OR4N5: variants seen among roughly 807,000 people sequenced by gnomAD.
OR4N5 encodes olfactory receptor 4N5.
For synonymous variants in OR4N5, 155 were observed against 140.6 expected, an observed-to-expected ratio of 1.10 and a Z score of -0.72; for missense variants, 428 against 370.0, an observed-to-expected ratio of 1.16 and a Z score of -1.29.
rs565102111 is a variant in OR4N5, at chr14:20,145,461, C to T, written c.*799C>T. The T allele has an allele frequency of 1.3e-5, 2 of 151,920 alleles. No individual in the cohort carries two copies. The highest frequency in any genetic ancestry group is 6.6e-5 in the Admixed American group (1 of 15,266). The allele number at this position is 151,920 out of a possible 1,614,324, so 9.4% of individuals were successfully genotyped here. On this transcript the variant is annotated 3_prime_UTR_variant, in exon 3 of 3. Coordinates refer to ENST00000641086, the MANE Select transcript of OR4N5 (RefSeq NM_001004724.2). ...TAAGTATTTTTTATTTATGTCAACA[C>T]TTAAAAGGTCTAGTTACTTTTTCTA...
rs1453879782 is a variant in OR4N5 at position 20,143,865 on chromosome 14, C to G, written c.130C>G (p.Leu44Val). 3.7e-6 allele frequency: 6 copies of G among 1,613,872 alleles called. No homozygotes were observed. The East Asian group carries it at 1.3e-4, about 36-fold the overall frequency. ...FYLIILPGNFLIIFTIKSDPG... is the reference protein window; with the variant it reads ...FYLIILPGNFVIIFTIKSDPG... The stretch of plus-strand genomic sequence containing the variant: ...CCTTATCATCCTCCCTGGAAATTTC[C>G]TCATCATTTTCACCATAAAGTCAGA... Residue 44 changes from leucine (L) to valine (V), a missense_variant, in exon 3 of 3, where the codon CTC (leucine) becomes GTC (valine). Physicochemically the swap from Leu to Val is conservative, Grantham distance 32. Transcript: ENST00000641086.
chr14:20,144,170 G>A lies in OR4N5; in HGVS notation c.435G>A (p.Ser145=), dbSNP rs150068542. ...ACCCTAGAGCCTGCTATGCATTATC[G>A]TTGGTTCTGTGGCTTGGGGGCTTTA... ...IMNPRACYAL[S]LVLWLGGFIH... is the part of the protein sequence containing the mutation. Residue 145 remains serine, a synonymous_variant, in exon 3 of 3, where the codon TCG becomes TCA. Transcript: ENST00000641086. The A allele has an allele frequency of 4.2e-5, 68 of 1,613,882 alleles. No homozygotes were observed. The highest frequency in any genetic ancestry group is 3.3e-4 in the Middle Eastern group (2 of 6,080).
Position 20,144,277 on chromosome 14 carries a change from T to C in OR4N5, c.542T>C (p.Val181Ala), listed in dbSNP as rs1878686025. ...PNQLDNFFCD[V>A]PQVIKLACTN... ...CAGCTCGATAACTTCTTCTGTGATG[T>C]TCCACAGGTCATCAAGCTGGCCTGC... The change falls in exon 3 of 3, where the codon GTT (valine) becomes GCT (alanine). Residue 181 changes from valine (V) to alanine (A), a missense_variant. By Grantham distance (64) the Val-to-Ala change is moderately conservative. Transcript: ENST00000641086. 1.2e-6 allele frequency: 2 copies of C among 1,613,980 alleles called. No homozygotes were observed. The highest frequency in any genetic ancestry group is 1.7e-6 in the Non-Finnish European group (2 of 1,180,002).
At chr14:20,143,271 G>T (rs1009757943) in intron 2 of OR4N5, among the ~76,000 whole-genome samples, 9 of 152,198 alleles carry the variant, frequency 5.9e-5, no homozygotes, top group African/African-American at 2.2e-4. Flanking sequence ...ATAGGAACTG[G>T]TGGCAGAAGC....
At chr14:20,140,382 A>G (rs575733822) in intron 1 of OR4N5, among the ~76,000 whole-genome samples, 3 of 152,292 alleles carry the variant, frequency 2.0e-5, no homozygotes, top group African/African-American at 7.2e-5. Flanking sequence ...GTAAAGAAAT[A>G]TTGTTGTAAA....
chr14:20,141,508 A>G (rs919747900), intron 2 of OR4N5, among the ~76,000 whole-genome samples: 1 of 152,222 alleles, frequency 6.6e-6, no homozygotes, highest in Non-Finnish European at 1.5e-5. Context: ...TACTAGTCAC[A>G]TAAAACAAAT....
chr14:20,144,652 T>C lies in OR4N5; in HGVS notation c.917T>C (p.Met306Thr). 3 of 1,602,774 alleles carry C rather than the reference T, an allele frequency of 1.9e-6. No homozygotes were observed. The highest frequency in any genetic ancestry group is 2.2e-5 in the East Asian group (1 of 44,750). ...ATGAGGAAGTTGTTAAGTCAACATA[T>C]GTTTTGCTGAATAGAAGAAAGAGAA... is the stretch of plus-strand genomic sequence containing the variant. ...ASMRKLLSQH[M>T]FC Residue 306 changes from methionine (M) to threonine (T), a missense_variant, in exon 3 of 3, where the codon ATG becomes ACG. Physicochemically the swap from Met to Thr is moderately conservative, Grantham distance 81. Transcript: ENST00000641086.
intron 1 of OR4N5, among the ~76,000 whole-genome samples, chr14:20,139,553 A>G (rs1178135327): frequency 1.3e-5 from 2 of 152,172 alleles, no homozygotes; most frequent in African/African-American, 4.8e-5. Flanking sequence ...CTGTTATCAT[A>G]TCCCTTGGAA....
intron 1 of OR4N5, among the ~76,000 whole-genome samples, chr14:20,139,602 T>C (rs1411770514): frequency 6.6e-6 from 1 of 152,152 alleles, no homozygotes; most frequent in Non-Finnish European, 1.5e-5. Flanking sequence ...ATTGACATGG[T>C]ATCCATTTTT....
At chr14:20,142,657 A>G (rs747397247) in intron 2 of OR4N5, among the ~76,000 whole-genome samples, 2 of 152,220 alleles carry the variant, frequency 1.3e-5, no homozygotes, top group Non-Finnish European at 2.9e-5. Flanking sequence ...TAAGTGCCTA[A>G]ATAAAATATT....
Position 20,144,422 on chromosome 14 carries a change from C to T in OR4N5, c.687C>T (p.Ser229=), listed in dbSNP as rs1460491113. 2 of 1,614,058 alleles carry T rather than the reference C, an allele frequency of 1.2e-6. No individual in the cohort carries two copies. The highest frequency in any genetic ancestry group is 8.5e-7 in the Non-Finnish European group (1 of 1,179,968). ...TCCTCTGTCGTATAAGGGAGCACTC[C>T]TCTGAAGGAAAGAGCAAGGCTATTT... ...AVILCRIREH[S]SEGKSKAIST... is the part of the protein sequence containing the mutation. Residue 229 remains serine (S), a synonymous_variant, in exon 3 of 3, where the codon TCC becomes TCT. Coordinates refer to ENST00000641086, the MANE Select transcript of OR4N5 (RefSeq NM_001004724.2).
chr14:20,144,727 T>C lies in OR4N5; in HGVS notation c.*65T>C. The C allele has an allele frequency of 1.0e-6, 1 of 1,003,198 alleles. No individual in the cohort carries two copies. The highest frequency in any genetic ancestry group is 1.6e-5 in the African/African-American group (1 of 61,760). The allele number at this position is 1,003,198 out of a possible 1,614,324, so 62.1% of individuals were successfully genotyped here. On this transcript the variant is annotated 3_prime_UTR_variant, in exon 3 of 3. Transcript: ENST00000641086. Reference sequence around the variant, plus strand: ...TGAATTTAGCTAAATCATTTCCTCATTCATGCATTGAATCAGTCAGTCATT... The same window carrying C: ...TGAATTTAGCTAAATCATTTCCTCACTCATGCATTGAATCAGTCAGTCATT...
At chr14:20,142,381 G>C (rs556317642) in intron 2 of OR4N5, among the ~76,000 whole-genome samples, 1 of 151,938 alleles carries the variant, frequency 6.6e-6, no homozygotes, top group Non-Finnish European at 1.5e-5. Flanking sequence ...TGCCCTCCTC[G>C]GTCTCCCAAA....
In OR4N5 at chr14:20,138,909, C is replaced by T. The variant is rs566861893; in HGVS notation, c.-381+19C>T. On this transcript the variant is annotated intron_variant, in intron 1 of 2. Coordinates refer to ENST00000641086, the MANE Select transcript of OR4N5 (RefSeq NM_001004724.2). ...CGGCAAGGTAAAATTTTTTATCATT[C>T]TTTATATTTAAATTAAATAGAGAAA... is the stretch of plus-strand genomic sequence containing the variant. 2.3e-4 allele frequency: 34 copies of T among 150,290 alleles called. No individual in the cohort carries two copies. The highest frequency in any genetic ancestry group is 1.2e-3 in the Admixed American group (18 of 15,020). 9.3% of individuals were successfully genotyped at this position (150,290 alleles called of 1,614,324 possible).
chr14:20,143,531 T>G (rs1952802), intron 2 of OR4N5, among the ~76,000 whole-genome samples, 194 bp from the exon 3 acceptor site: 87,961 of 151,448 alleles, frequency 0.58, 25,909 homozygotes, highest in African/African-American at 0.7. Context: ...TGTGGCTACC[T>G]AAAAACGTAT....
At chr14:20,142,806 CTCTCAAATGAGTACA>C (rs1412923564) in intron 2 of OR4N5, among the ~76,000 whole-genome samples, 6 of 152,180 alleles carry the variant, frequency 3.9e-5, no homozygotes, top group Non-Finnish European at 5.9e-5. Context: ...ATTTTTTCAA[CTCTCAAATGAGTACA>C]TCAGATTATA....
intron 1 of OR4N5, among the ~76,000 whole-genome samples, chr14:20,139,256 G>A (rs1038319045): frequency 6.6e-6 from 1 of 151,972 alleles, no homozygotes; most frequent in African/African-American, 2.4e-5. Context: ...AAAGGTAAAG[G>A]GAGGAAGAGT....
At chr14:20,143,672 C>A (rs547419966) in intron 2 of OR4N5, 53 bp from the exon 3 acceptor site, 37 of 1,180,376 alleles carry the variant, frequency 3.1e-5, no homozygotes, top group Non-Finnish European at 4.4e-5. Flanking sequence ...AGATAGAAAA[C>A]AGATGAAAAG....
rs1878703284 is a variant in OR4N5, at chr14:20,144,700, G to A, written c.*38G>A. Reference sequence around the variant, plus strand: ...GAAAAGCAAGAACGGAGAAAGTCCAGTTGAATTTAGCTAAATCATTTCCTC... The same window carrying A: ...GAAAAGCAAGAACGGAGAAAGTCCAATTGAATTTAGCTAAATCATTTCCTC... On this transcript the variant is annotated 3_prime_UTR_variant, in exon 3 of 3. Coordinates refer to ENST00000641086, the MANE Select transcript of OR4N5 (RefSeq NM_001004724.2). 2 of 1,344,054 alleles carry A rather than the reference G, an allele frequency of 1.5e-6. No individual in the cohort carries two copies. The highest frequency in any genetic ancestry group is 1.5e-5 in the African/African-American group (1 of 68,336). The allele number at this position is 1,344,054 out of a possible 1,614,324, so 83.3% of individuals were successfully genotyped here.
Sources: allele counts gnomAD v4.1 joint callset (sites outside exome capture counted in the v4.1 genomes callset), GRCh38; gene constraint gnomAD v4.1.1; transcripts MANE v1.5; gene names NCBI Gene and HGNC (gene_info 2026-07-23, HGNC 2026-07-21).